The following XKR6 variants were observed in gnomAD, a reference collection of about 807,000 sequenced individuals.
XKR6 encodes XK related 6, also known as XK-related protein 6.
In XKR6, 22 loss-of-function variants were observed where a neutral mutation model predicts 56.7. The observed-to-expected ratio is 0.39, with a 90% CI of 0.28 to 0.55. XKR6 has a LOEUF of 0.55. Ranked by LOEUF, XKR6 falls within the 20% of genes least tolerant of loss-of-function variation. The pLI is 0.66. For missense variants in XKR6, 852 were observed against 889.0 expected (o/e 0.96, Z 0.53); for synonymous variants, 524 against 387.8 (o/e 1.35, Z -4.13).
chr8:11,008,157 A>G (rs1169454852), intron 1 of XKR6, among the ~76,000 whole-genome samples: 1 of 152,140 alleles, frequency 6.6e-6, no homozygotes, highest in Non-Finnish European at 1.5e-5. Context: ...GTCCTGCTCA[A>G]ATACCCTCGG....
chr8:10,907,260 G>C (rs1800211459), intron 2 of XKR6, among the ~76,000 whole-genome samples: 1 of 152,158 alleles, frequency 6.6e-6, no homozygotes, highest in African/African-American at 2.4e-5. Flanking sequence ...CCTCTGGCTG[G>C]ACAAAAAGCT....
At chr8:11,158,244 G>A (rs953168940) in intron 1 of XKR6, among the ~76,000 whole-genome samples, 4 of 152,152 alleles carry the variant, frequency 2.6e-5, no homozygotes, top group South Asian at 2.1e-4. Context: ...CTAACGGTCT[G>A]AGCGAGATTA....
chr8:11,063,274 A>T (rs1425030114), intron 1 of XKR6, among the ~76,000 whole-genome samples: 1 of 152,082 alleles, frequency 6.6e-6, no homozygotes, highest in African/African-American at 2.4e-5. Context: ...GAACTAATAA[A>T]GAAAAACAAA....
Position 10,924,746 on chromosome 8 carries a change from T to A in XKR6, c.849A>T (p.Glu283Asp), listed in dbSNP as rs747990336. 12 of 1,614,022 alleles carry A rather than the reference T, an allele frequency of 7.4e-6. No homozygotes were observed. The highest frequency in any genetic ancestry group is 1.0e-5 in the Non-Finnish European group (12 of 1,180,004). ...GGCGCAGCATGTTGACGTCTGCATA[T>A]TCATACATCATAGCCCAGTAGAAGC... ...QRRFYWAMMY[E>D]YADVNMLRLL... is the part of the protein sequence containing the mutation. The change falls in exon 2 of 3, where the codon GAA (glutamate) becomes GAT (aspartate). Residue 283 changes from glutamate to aspartate, a missense_variant. Glu to Asp is a conservative substitution (Grantham distance 45, BLOSUM62 2). This residue lies in a region of XKR6 where 199 missense variants were observed against 280.4 expected (regional missense o/e 0.71). Transcript: ENST00000416569.
At chr8:11,102,206 G>T (rs1798510825) in intron 1 of XKR6, among the ~76,000 whole-genome samples, 1 of 152,062 alleles carries the variant, frequency 6.6e-6, no homozygotes, top group Non-Finnish European at 1.5e-5. Flanking sequence ...GGAATACTGA[G>T]ACCTGCCCTC....
chr8:11,062,040 G>A (rs1260783077), intron 1 of XKR6, among the ~76,000 whole-genome samples: 4 of 152,184 alleles, frequency 2.6e-5, no homozygotes, highest in Non-Finnish European at 5.9e-5. Context: ...AAAATCATCT[G>A]AAAGCACTGC....
intron 1 of XKR6, among the ~76,000 whole-genome samples, chr8:11,077,763 G>C (rs1018042446): frequency 6.6e-6 from 1 of 152,146 alleles, no homozygotes; most frequent in Non-Finnish European, 1.5e-5. Flanking sequence ...ATGCATCTGG[G>C]CACAGTTTCT....
chr8:11,049,189 C>T (rs1799482770), intron 1 of XKR6, among the ~76,000 whole-genome samples: 1 of 152,216 alleles, frequency 6.6e-6, no homozygotes, highest in African/African-American at 2.4e-5. Flanking sequence ...GCAGCTTATT[C>T]TCGGAAAAGG....
chr8:10,979,117 C>T (rs953601797), intron 1 of XKR6, among the ~76,000 whole-genome samples: 3 of 151,676 alleles, frequency 2.0e-5, no homozygotes, highest in Admixed American at 1.3e-4. Flanking sequence ...TCCCTGAATC[C>T]CCCAATGAGA....
intron 1 of XKR6, among the ~76,000 whole-genome samples, chr8:10,962,679 G>A (rs904521249): frequency 6.6e-6 from 1 of 151,946 alleles, no homozygotes; most frequent in African/African-American, 2.4e-5. Context: ...AGCCTGGAGT[G>A]CAATGGCGTG....
intron 1 of XKR6, among the ~76,000 whole-genome samples, chr8:10,990,557 T>G (rs929081749): frequency 1.6e-4 from 24 of 152,114 alleles, no homozygotes; most frequent in African/African-American, 5.3e-4. Flanking sequence ...ATACTAAGAG[T>G]GTGGAGCTGC....
intron 1 of XKR6, among the ~76,000 whole-genome samples, chr8:10,954,866 C>CCTTTTTTTT (rs1554515116): frequency 1.1e-5 from 1 of 92,794 alleles, no homozygotes; most frequent in Non-Finnish European, 2.2e-5. Flanking sequence ...ACTTCATTCT[C>CCTTTTTTTT]TTTTTTTTTT....
intron 1 of XKR6, among the ~76,000 whole-genome samples, chr8:10,963,416 C>A (rs367695649): frequency 6.6e-6 from 1 of 152,242 alleles, no homozygotes; most frequent in African/African-American, 2.4e-5. Context: ...TCCCTAGACA[C>A]GGCTTTGCTT....
intron 1 of XKR6, among the ~76,000 whole-genome samples, chr8:11,042,717 G>A (rs557890895): frequency 6.6e-6 from 1 of 152,364 alleles, no homozygotes; most frequent in Admixed American, 6.5e-5. Flanking sequence ...TGAGCATCAT[G>A]TGGGTGCTCA....
intron 1 of XKR6, among the ~76,000 whole-genome samples, chr8:11,054,153 G>A (rs1017613359): frequency 6.6e-6 from 1 of 152,194 alleles, no homozygotes; most frequent in African/African-American, 2.4e-5. Flanking sequence ...CATTGCGGGT[G>A]GTTAAATGAA....
intron 1 of XKR6, among the ~76,000 whole-genome samples, chr8:11,085,202 C>A (rs538343875): frequency 3.1e-4 from 47 of 152,342 alleles, no homozygotes; most frequent in African/African-American, 1.1e-3. Context: ...ACACAGACTT[C>A]CTCCCATCAC....
At chr8:11,059,488 T>G (rs1171171209) in intron 1 of XKR6, among the ~76,000 whole-genome samples, 2 of 152,078 alleles carry the variant, frequency 1.3e-5, no homozygotes, top group Non-Finnish European at 2.9e-5. Context: ...GACAGGCAGC[T>G]GCGGAGCCAT....
intron 1 of XKR6, among the ~76,000 whole-genome samples, chr8:10,937,137 TCA>T (rs1177755686): frequency 1.2e-5 from 1 of 84,294 alleles, no homozygotes; most frequent in Non-Finnish European, 2.4e-5. Context: ...CCTTCTCGCT[TCA>T]TTTCATTCAT....
At chr8:11,097,275 C>T (rs117216896) in intron 1 of XKR6, among the ~76,000 whole-genome samples, 18 of 152,224 alleles carry the variant, frequency 1.2e-4, no homozygotes, top group South Asian at 2.1e-4. Flanking sequence ...ATGTCATTTT[C>T]GTCACACCCT....
Sources: allele counts gnomAD v4.1 joint callset (sites outside exome capture counted in the v4.1 genomes callset), GRCh38; gene constraint gnomAD v4.1.1; regional missense constraint gnomAD v4.1.1; transcripts MANE v1.5; gene names NCBI Gene and HGNC (gene_info 2026-07-23, HGNC 2026-07-21).